EDARADD: variants seen among roughly 807,000 people sequenced by gnomAD.
The protein encoded by EDARADD is EDAR associated via death domain, also known as ectodysplasin-A receptor-associated adapter protein.
In EDARADD, 20 loss-of-function variants were observed where a neutral mutation model predicts 25.6. That is an observed-to-expected ratio of 0.78 (90% CI 0.55 to 1.14). The LOEUF (loss-of-function observed/expected upper bound fraction) is 1.14, where lower values mean the gene tolerates loss of function less well. EDARADD is among the 50% of genes most tolerant of loss of function. The pLI is 0.00. For missense variants in EDARADD, 225 were observed against 270.1 expected (o/e 0.83, Z 1.17); for synonymous variants, 86 against 94.4 (o/e 0.91, Z 0.52).
At chr1:236,385,086 A>C (rs1342658138) in intron 3 of EDARADD, among the ~76,000 whole-genome samples, 1 of 76,544 alleles carries the variant, frequency 1.3e-5, no homozygotes, top group African/African-American at 5.8e-5. Context: ...ATGCCTTTTG[A>C]TTCTTTTTTT....
chr1:236,376,005 G>C (rs1037842308), intron 3 of EDARADD, among the ~76,000 whole-genome samples: 5 of 148,354 alleles, frequency 3.4e-5, no homozygotes, highest in Admixed American at 6.8e-5. Flanking sequence ...TGCGATCTTG[G>C]CTCACTACCA....
intron 1 of EDARADD, among the ~76,000 whole-genome samples, chr1:236,406,809 T>C (rs1482022034): frequency 6.6e-6 from 1 of 152,088 alleles, no homozygotes; most frequent in Non-Finnish European, 1.5e-5. Flanking sequence ...CCACCCCTCC[T>C]CTCTCCGGGA....
chr1:236,357,154 T>G (rs1459871385), intron 3 of EDARADD, among the ~76,000 whole-genome samples: 2 of 152,090 alleles, frequency 1.3e-5, no homozygotes, highest in African/African-American at 4.8e-5. Flanking sequence ...AAACTTAATC[T>G]TTGAGTACAT....
At chr1:236,457,222 C>T (rs912154319) in intron 4 of EDARADD, among the ~76,000 whole-genome samples, 1 of 152,126 alleles carries the variant, frequency 6.6e-6, no homozygotes, top group African/African-American at 2.4e-5. Flanking sequence ...TGTGGTAAAA[C>T]ATATTCAAGT....
intron 4 of EDARADD, among the ~76,000 whole-genome samples, chr1:236,429,158 C>A (rs1011579449): frequency 6.7e-6 from 1 of 149,886 alleles, no homozygotes; most frequent in African/African-American, 2.5e-5. Context: ...AGTCCAGCCT[C>A]GGCTCGGCAT....
chr1:236,424,209 TG>T (rs1434254413), intron 3 of EDARADD, among the ~76,000 whole-genome samples: 1 of 135,476 alleles, frequency 7.4e-6, no homozygotes, highest in African/African-American at 2.7e-5. Context: ...CACTCAGGGC[TG>T]GGGTGCGGTG....
chr1:236,442,465 A>G (rs1658427068), intron 4 of EDARADD, among the ~76,000 whole-genome samples: 1 of 152,172 alleles, frequency 6.6e-6, no homozygotes, highest in Admixed American at 6.5e-5. Context: ...TTTCCTAGCT[A>G]GAGAGGAGAA....
chr1:236,403,032 C>T (rs141440777), intron 1 of EDARADD, among the ~76,000 whole-genome samples: 6 of 151,094 alleles, frequency 4.0e-5, no homozygotes, highest in African/African-American at 1.2e-4. Flanking sequence ...CTTGGCTCAC[C>T]GAAATCTCCG....
chr1:236,403,530 G>A (rs533513852), intron 1 of EDARADD, among the ~76,000 whole-genome samples: 381 of 151,076 alleles, frequency 2.5e-3, no homozygotes, highest in Non-Finnish European at 3.4e-3. Flanking sequence ...CTCGTGATCC[G>A]CCTGCCTCGG....
Position 236,483,250 on chromosome 1 carries a change from G to T in EDARADD, c.*601G>T. 1 of 1,597,190 alleles carries T rather than the reference G, an allele frequency of 6.3e-7. No individual in the cohort carries two copies. Among genetic ancestry groups the T allele is most frequent in the Non-Finnish European group, 8.6e-7 (1 of 1,166,890 alleles). Reference sequence around the variant, plus strand: ...GAGGTTGATCTCTTCACCTCAGAAGGTCTCTTCAGAGCTGCTGTGCCCAGT... The same window carrying T: ...GAGGTTGATCTCTTCACCTCAGAAGTTCTCTTCAGAGCTGCTGTGCCCAGT... On this transcript the variant is annotated 3_prime_UTR_variant, in exon 6 of 6. Transcript: ENST00000334232.
intron 4 of EDARADD, among the ~76,000 whole-genome samples, chr1:236,460,563 A>T (rs1659011091): frequency 1.3e-5 from 2 of 152,170 alleles, no homozygotes; most frequent in South Asian, 2.1e-4. Flanking sequence ...ATACGGACTT[A>T]TATTGTAAGA....
intron 3 of EDARADD, among the ~76,000 whole-genome samples, chr1:236,421,044 G>A (rs1404625268): frequency 4.1e-5 from 6 of 147,466 alleles, no homozygotes; most frequent in Non-Finnish European, 9.0e-5. Flanking sequence ...AGGAGAATGT[G>A]TTTTGATTGT....
intron 1 of EDARADD, among the ~76,000 whole-genome samples, chr1:236,408,171 T>G (rs1667770898): frequency 6.6e-6 from 1 of 151,846 alleles, no homozygotes; most frequent in African/African-American, 2.4e-5. Flanking sequence ...TATGGTGGGG[T>G]TTTTTATGTA....
Position 236,483,413 on chromosome 1 carries a change from C to G in EDARADD, c.*764C>G. On this transcript the variant is annotated 3_prime_UTR_variant, in exon 6 of 6. Transcript: ENST00000334232. Reference sequence around the variant, plus strand: ...CTGTCCTGGTTAGCAAGAAACTGAACGTCACAGAACAAGAGAAGATTGACA... The same window carrying G: ...CTGTCCTGGTTAGCAAGAAACTGAAGGTCACAGAACAAGAGAAGATTGACA... 1 of 1,172,814 alleles carries G rather than the reference C, an allele frequency of 8.5e-7. No homozygotes were observed. The highest frequency in any genetic ancestry group is 1.7e-5 in the Admixed American group (1 of 59,176). The allele number at this position is 1,172,814 out of a possible 1,614,324, so 72.7% of individuals were successfully genotyped here. A position where few individuals can be genotyped will look rare whatever the true frequency, so the allele number is the denominator to read the frequency against.
chr1:236,376,723 G>T (rs554019544), intron 3 of EDARADD, among the ~76,000 whole-genome samples: 92 of 152,186 alleles, frequency 6.0e-4, no homozygotes, highest in African/African-American at 2.0e-3. Context: ...TTATTAATAT[G>T]GGGGGAAATA....
At position 236,476,588 on chromosome 1, in the gene EDARADD, C is replaced by T. The variant is rs1375020947; in HGVS notation, c.266-5679C>T. On this transcript the variant is annotated intron_variant, in intron 5 of 5. Coordinates refer to ENST00000334232, the MANE Select transcript of EDARADD (RefSeq NM_145861.4). The stretch of plus-strand genomic sequence containing the variant: ...TTGCCTAGGCTGGAGTGCAGTGGCA[C>T]GATCTCGGTTCACTGCAACCTCTGC... Among the ~76,000 whole-genome samples, 10 of 151,750 alleles carry T rather than the reference C, an allele frequency of 6.6e-5. No individual in the cohort carries two copies. The South Asian group carries it at 1.0e-3, about 16-fold the overall frequency.
chr1:236,401,018 C>A (rs531148702), intron 1 of EDARADD, among the ~76,000 whole-genome samples: 82 of 151,968 alleles, frequency 5.4e-4, no homozygotes, highest in African/African-American at 2.0e-3. Flanking sequence ...GCCAACATGG[C>A]GAAACCCCAT....
chr1:236,461,103 T>C (rs1659026998), intron 4 of EDARADD, among the ~76,000 whole-genome samples: 1 of 152,166 alleles, frequency 6.6e-6, no homozygotes, highest in Non-Finnish European at 1.5e-5. Flanking sequence ...ATTACAGGCA[T>C]GAGCCACCGT....
chr1:236,429,385 A>C (rs1658034793), intron 4 of EDARADD, among the ~76,000 whole-genome samples: 1 of 147,126 alleles, frequency 6.8e-6, no homozygotes, highest in Non-Finnish European at 1.5e-5. Flanking sequence ...TTATTTATTT[A>C]TTTATTTTTT....
Sources: allele counts gnomAD v4.1 joint callset (sites outside exome capture counted in the v4.1 genomes callset), GRCh38; gene constraint gnomAD v4.1.1; transcripts MANE v1.5; gene names NCBI Gene and HGNC (gene_info 2026-07-23, HGNC 2026-07-21).